Variants in MAGI2 observed in about 807,000 individuals in gnomAD.
MAGI2 encodes membrane associated guanylate kinase, WW and PDZ domain containing 2.
MAGI2 carries 35 observed loss-of-function variants against 133.3 expected under a neutral mutation model. The observed-to-expected ratio is 0.26, with a 90% confidence interval of 0.20 to 0.35. The LOEUF is 0.35. Ranked by LOEUF, MAGI2 falls within the 10% of genes least tolerant of loss-of-function variation. MAGI2 has a pLI of 1.00. For synonymous variants in MAGI2, 729 were observed against 710.6 expected (o/e 1.03, Z -0.41); for missense variants, 1,636 against 1,863.4 (o/e 0.88, Z 2.25).
chr7:79,335,270 G>T (rs1055482608), intron 1 of MAGI2, among the ~76,000 whole-genome samples: 1 of 152,090 alleles, frequency 6.6e-6, no homozygotes, highest in Non-Finnish European at 1.5e-5. Flanking sequence ...CGTTTAGGTT[G>T]TGTCTTCAAG....
At chr7:78,760,873 T>C (rs568920527) in intron 2 of MAGI2, among the ~76,000 whole-genome samples, 16 of 152,230 alleles carry the variant, frequency 1.1e-4, no homozygotes, top group East Asian at 9.7e-4. Context: ...AAAGATTATA[T>C]TGGAAAAACG....
At chr7:78,330,218 CTTTAAAT>C (rs1450137858) in intron 9 of MAGI2, among the ~76,000 whole-genome samples, 2 of 152,208 alleles carry the variant, frequency 1.3e-5, no homozygotes, top group East Asian at 3.9e-4. Context: ...CTAAGAAAAG[CTTTAAAT>C]AATTCTGTAA....
intron 1 of MAGI2, 138 bp downstream of exon 1, chr7:79,452,882 G>T: frequency 2.3e-6 from 2 of 883,142 alleles, no homozygotes; most frequent in Non-Finnish European, 3.4e-6. Flanking sequence ...AAACTCACTT[G>T]CACTGCGGGT....
chr7:78,847,683 A>G (rs977406651), intron 2 of MAGI2, among the ~76,000 whole-genome samples: 2 of 152,016 alleles, frequency 1.3e-5, no homozygotes, highest in African/African-American at 2.4e-5. Context: ...ATCTATCTAC[A>G]TCACAAATGT....
intron 9 of MAGI2, among the ~76,000 whole-genome samples, chr7:78,334,830 C>A (rs1171976099): frequency 6.6e-6 from 1 of 152,082 alleles, no homozygotes; most frequent in Non-Finnish European, 1.5e-5. Context: ...CAATGAAGAG[C>A]CCCAGAGAAA....
At chr7:78,211,498 C>G (rs1043455996) in intron 10 of MAGI2, among the ~76,000 whole-genome samples, 1 of 152,176 alleles carries the variant, frequency 6.6e-6, no homozygotes, top group Non-Finnish European at 1.5e-5. Flanking sequence ...GGATGGACTC[C>G]TGGGCTGTGA....
chr7:78,483,244 T>C (rs992945157), intron 6 of MAGI2, among the ~76,000 whole-genome samples: 2 of 151,964 alleles, frequency 1.3e-5, no homozygotes, highest in Admixed American at 1.3e-4. Context: ...GAAATCATTC[T>C]GCTACTGTGC....
intron 2 of MAGI2, among the ~76,000 whole-genome samples, chr7:78,923,087 A>G (rs921207205): frequency 3.3e-5 from 5 of 151,954 alleles, no homozygotes; most frequent in Non-Finnish European, 5.9e-5. Context: ...TAGATTCTGG[A>G]TATTAGCCCT....
At chr7:78,565,179 G>A (rs769904838) in intron 3 of MAGI2, among the ~76,000 whole-genome samples, 66 of 151,906 alleles carry the variant, frequency 4.3e-4, no homozygotes, top group Non-Finnish European at 8.1e-4. Context: ...TTAAAAATTA[G>A]CACCAGGCAC....
chr7:78,516,420 T>C (rs987010526), intron 4 of MAGI2, among the ~76,000 whole-genome samples: 1 of 152,166 alleles, frequency 6.6e-6, no homozygotes, highest in African/African-American at 2.4e-5. Context: ...GGCATGATCA[T>C]GGCTCCTTGC....
chr7:79,157,503 C>T (rs1484689869), intron 1 of MAGI2, among the ~76,000 whole-genome samples: 1 of 150,778 alleles, frequency 6.6e-6, no homozygotes, highest in African/African-American at 2.4e-5. Context: ...CTGTAAGCAG[C>T]ACACATTGAT....
At position 78,931,262 on chromosome 7, in the gene MAGI2, A is replaced by AT. The variant is rs34593077; in HGVS notation, c.418+75827dup. Among the ~76,000 whole-genome samples, 74 of 151,730 alleles carry AT rather than the reference A, an allele frequency of 4.9e-4. No homozygotes were observed. In the South Asian group the frequency reaches 6.0e-3, roughly 12 times the overall value. On this transcript the variant is annotated intron_variant, in intron 2 of 21. Coordinates refer to ENST00000354212, the MANE Select transcript of MAGI2 (RefSeq NM_012301.4). Reference sequence around the variant, plus strand: ...TTCACTGATTCAATGACTGGATTTGATTTTTTTTTAAAAGGGATGGTAGGC... The same window carrying AT: ...TTCACTGATTCAATGACTGGATTTGATTTTTTTTTTAAAAGGGATGGTAGGC...
At chr7:78,861,085 CA>C in intron 2 of MAGI2, among the ~76,000 whole-genome samples, 1 of 152,304 alleles carries the variant, frequency 6.6e-6, no homozygotes, top group South Asian at 2.1e-4. Context: ...TTGCTAAGGC[CA>C]TTGGAAAAGT....
intron 1 of MAGI2, among the ~76,000 whole-genome samples, chr7:79,127,881 A>G (rs572649775): frequency 9.8e-5 from 15 of 152,288 alleles, no homozygotes; most frequent in African/African-American, 2.2e-4. Context: ...GCCCATGCCT[A>G]TGTCCTGAAT....
At chr7:78,898,238 G>C (rs1471398473) in intron 2 of MAGI2, among the ~76,000 whole-genome samples, 3 of 152,138 alleles carry the variant, frequency 2.0e-5, no homozygotes, top group Admixed American at 2.0e-4. Flanking sequence ...CTGTTTGCAG[G>C]AGTATAAATT....
intron 6 of MAGI2, among the ~76,000 whole-genome samples, chr7:78,450,745 G>A (rs4727707): frequency 0.98 from 149,766 of 152,134 alleles, 73,770 homozygotes; most frequent in East Asian, 1. Context: ...ACAAGGTGAC[G>A]AAATGATTAG....
chr7:79,076,773 C>G (rs1276758449), intron 1 of MAGI2, among the ~76,000 whole-genome samples: 1 of 152,124 alleles, frequency 6.6e-6, no homozygotes, highest in East Asian at 1.9e-4. Context: ...ATAAGTTATT[C>G]TTTCTTCTTT....
chr7:78,864,291 C>A (rs937021333), intron 2 of MAGI2, among the ~76,000 whole-genome samples: 1 of 152,166 alleles, frequency 6.6e-6, no homozygotes, highest in Non-Finnish European at 1.5e-5. Flanking sequence ...GTGTGACTCT[C>A]AAATGCAGAC....
rs146782279 is a variant in MAGI2, at chr7:78,521,430, C to T, written c.754G>A (p.Glu252Lys). 13 of 1,612,256 alleles carry T rather than the reference C, an allele frequency of 8.1e-6. No individual in the cohort carries two copies. The African/African-American group carries it at 9.4e-5, about 12-fold the overall frequency. ...VNGNGVVVTP[E>K]SSEHEDKSAG... ...GCCATAAAAAATGTAAATGACTAAC[C>T]TGGTGTTACTACTACTCCATTTCCA... Residue 252 changes from glutamate to lysine, a missense_variant and splice_region_variant, in exon 4 of 22, where the codon GAA becomes AAA. Transcript: ENST00000354212.
Sources: gnomAD v4.1 joint callset for allele counts (sites outside exome capture counted in the v4.1 genomes callset) on GRCh38, gnomAD v4.1.1 for gene constraint, MANE v1.5 for transcripts, NCBI Gene and HGNC (gene_info 2026-07-23, HGNC 2026-07-21) for gene names.